Variants in CDK14 observed in about 807,000 individuals in gnomAD.
CDK14 encodes the protein cyclin-dependent kinase 14.
A neutral mutation model predicts 60.7 loss-of-function variants in CDK14; 34 were observed. That is an observed-to-expected ratio of 0.56 (90% CI 0.43 to 0.75). CDK14 has a LOEUF of 0.75. Among genes scored for constraint, CDK14 ranks in the 30% least tolerant of loss-of-function variants. The pLI, the probability that CDK14 is intolerant of heterozygous loss-of-function variation, is 0.00. For missense variants in CDK14, 482 were observed against 564.1 expected (o/e 0.85, Z 1.47); for synonymous variants, 197 against 203.7 (o/e 0.97, Z 0.28).
intron 7 of CDK14, among the ~76,000 whole-genome samples, chr7:90,915,127 G>T (rs1027918095): frequency 2.0e-5 from 3 of 152,102 alleles, no homozygotes; most frequent in Non-Finnish European, 4.4e-5. Flanking sequence ...GTAGGCAAAG[G>T]GAAGAGAGGG....
In CDK14 at chr7:90,626,241, T is replaced by C. The variant is rs559902326; in HGVS notation, c.123+21992T>C. On this transcript the variant is annotated intron_variant, in intron 2 of 14. Coordinates refer to ENST00000380050, the MANE Select transcript of CDK14 (RefSeq NM_001287135.2). Reference sequence around the variant, plus strand: ...TTTCCACCCCTACATTCCTAGGCTGTGAGAGAACTGGTCATCACTGTGATT... The same window carrying C: ...TTTCCACCCCTACATTCCTAGGCTGCGAGAGAACTGGTCATCACTGTGATT... Among the ~76,000 whole-genome samples, 10 of 152,318 alleles carry C rather than the reference T, an allele frequency of 6.6e-5. No homozygotes were observed. The South Asian group carries it at 2.1e-3, about 32-fold the overall frequency.
chr7:90,820,591 G>C (rs1562786043), intron 5 of CDK14, among the ~76,000 whole-genome samples: 1 of 152,284 alleles, frequency 6.6e-6, no homozygotes, highest in Non-Finnish European at 1.5e-5. Flanking sequence ...CCCCAGCCAT[G>C]TGGAACTGTG....
chr7:90,954,396 A>G (rs1794346549), intron 8 of CDK14, among the ~76,000 whole-genome samples: 1 of 152,138 alleles, frequency 6.6e-6, no homozygotes, highest in Non-Finnish European at 1.5e-5. Flanking sequence ...ATAATACTTT[A>G]TACTTGTCAC....
At chr7:91,076,685 A>G (rs933736267) in intron 11 of CDK14, among the ~76,000 whole-genome samples, 1 of 152,218 alleles carries the variant, frequency 6.6e-6, no homozygotes, top group Middle Eastern at 3.2e-3. Flanking sequence ...CTGCACAGCA[A>G]AAGAATGAAT....
intron 2 of CDK14, among the ~76,000 whole-genome samples, chr7:90,606,579 G>A (rs1338388489): frequency 6.6e-6 from 1 of 152,196 alleles, no homozygotes; most frequent in Non-Finnish European, 1.5e-5. Context: ...CAGCTATGAG[G>A]AGAGTTAATT....
intron 2 of CDK14, among the ~76,000 whole-genome samples, chr7:90,699,314 G>C (rs1801732936): frequency 6.6e-6 from 1 of 152,170 alleles, no homozygotes; most frequent in African/African-American, 2.4e-5. Flanking sequence ...GTTCCTAACA[G>C]CTTAGTGCCT....
At chr7:90,676,680 A>G (rs1317988517) in intron 2 of CDK14, among the ~76,000 whole-genome samples, 1 of 151,904 alleles carries the variant, frequency 6.6e-6, no homozygotes, top group Non-Finnish European at 1.5e-5. Flanking sequence ...TTATAGGTGG[A>G]TACTACCACA....
chr7:91,025,400 A>G (rs1208907), intron 10 of CDK14, among the ~76,000 whole-genome samples: 16,025 of 152,122 alleles, frequency 0.11, 1,212 homozygotes, highest in East Asian at 0.37. Flanking sequence ...TAGCTATTCC[A>G]TTCAAGCAGG....
chr7:90,841,189 C>CTT (rs1339424091), intron 5 of CDK14, among the ~76,000 whole-genome samples: 1 of 151,994 alleles, frequency 6.6e-6, no homozygotes, highest in Non-Finnish European at 1.5e-5. Context: ...TTACAGGGAA[C>CTT]TTTTAGAACA....
At chr7:90,667,100 T>A (rs920376077) in intron 2 of CDK14, among the ~76,000 whole-genome samples, 1 of 152,224 alleles carries the variant, frequency 6.6e-6, no homozygotes, top group African/African-American at 2.4e-5. Context: ...TAAATAATTT[T>A]GGGGTACATG....
chr7:90,779,702 C>G (rs1378336894), intron 4 of CDK14, among the ~76,000 whole-genome samples: 1 of 152,158 alleles, frequency 6.6e-6, no homozygotes, highest in Non-Finnish European at 1.5e-5. Flanking sequence ...TATATTCATT[C>G]CCTGCAATTA....
chr7:91,020,734 A>G (rs1221177202), intron 10 of CDK14, among the ~76,000 whole-genome samples: 1 of 152,180 alleles, frequency 6.6e-6, no homozygotes. Context: ...TTGCATGACA[A>G]ATTACCACAA....
intron 5 of CDK14, among the ~76,000 whole-genome samples, chr7:90,811,191 G>A (rs900638936): frequency 3.3e-5 from 5 of 152,150 alleles, no homozygotes; most frequent in African/African-American, 4.8e-5. Context: ...AAAGCTGGAG[G>A]CATCATGCTA....
At chr7:90,732,577 A>G (rs921822914) in intron 3 of CDK14, among the ~76,000 whole-genome samples, 2 of 152,152 alleles carry the variant, frequency 1.3e-5, no homozygotes, top group Non-Finnish European at 2.9e-5. Flanking sequence ...AGGAGGGTGT[A>G]TGTGTCCAGG....
chr7:90,874,568 C>CCGGACTG (rs1327232152), intron 6 of CDK14, among the ~76,000 whole-genome samples: 18 of 120,048 alleles, frequency 1.5e-4, no homozygotes, highest in African/African-American at 5.6e-4. Flanking sequence ...GTCGCCCAGG[C>CCGGACTG]CGGACTGCGG....
At chr7:91,006,766 G>A (rs1317037734) in intron 10 of CDK14, among the ~76,000 whole-genome samples, 1 of 152,170 alleles carries the variant, frequency 6.6e-6, no homozygotes, top group Non-Finnish European at 1.5e-5. Flanking sequence ...TGAGTGATGT[G>A]TGTTTCACCC....
intron 9 of CDK14, among the ~76,000 whole-genome samples, chr7:90,972,932 A>T (rs558412965): frequency 6.6e-6 from 1 of 152,324 alleles, no homozygotes; most frequent in African/African-American, 2.4e-5. Context: ...CAGTAATTAG[A>T]ATCTGAATTC....
chr7:90,721,976 A>C (rs2116691083), intron 2 of CDK14, among the ~76,000 whole-genome samples: 1 of 152,172 alleles, frequency 6.6e-6, no homozygotes, highest in African/African-American at 2.4e-5. Flanking sequence ...TACGCAGGGG[A>C]GTAGCGCCAG....
At chr7:91,153,901 T>C (rs1158541286) in intron 14 of CDK14, among the ~76,000 whole-genome samples, 1 of 152,008 alleles carries the variant, frequency 6.6e-6, no homozygotes, top group Non-Finnish European at 1.5e-5. Context: ...AAAAAGAAAA[T>C]TAAGTTGACA....
Sources: gnomAD v4.1 joint callset for allele counts (sites outside exome capture counted in the v4.1 genomes callset) on GRCh38, gnomAD v4.1.1 for gene constraint, MANE v1.5 for transcripts, NCBI Gene and HGNC (gene_info 2026-07-23, HGNC 2026-07-21) for gene names.